ATRNL1: variants seen among roughly 807,000 people sequenced by gnomAD.
ATRNL1 encodes the protein attractin-like protein 1.
Under a neutral mutation model 182.7 loss-of-function variants are expected in ATRNL1, and 95 were observed. The observed-to-expected ratio is 0.52, with a 90% CI of 0.44 to 0.62. The LOEUF is 0.62. Among genes scored for constraint, ATRNL1 ranks in the 20% least tolerant of loss-of-function variants. The pLI, the probability that ATRNL1 is intolerant of heterozygous loss-of-function variation, is 0.00. For missense variants in ATRNL1, 1,471 were observed against 1,679.5 expected, an observed-to-expected ratio of 0.88 and a Z score of 2.17; for synonymous variants, 576 against 568.3, an observed-to-expected ratio of 1.01 and a Z score of -0.19.
At chr10:115,911,797 A>C (rs1199776221) in intron 28 of ATRNL1, among the ~76,000 whole-genome samples, 1 of 152,108 alleles carries the variant, frequency 6.6e-6, no homozygotes, top group East Asian at 1.9e-4. Flanking sequence ...GGAAGAGCAC[A>C]AGGGAGATGC....
rs553919095 is a variant in ATRNL1, at chr10:115,377,861, C to A, written c.3176-16798C>A. The stretch of plus-strand genomic sequence containing the variant: ...ACTGGGGCTCTAGCAAGTATGAATT[C>A]TCTCCATTTCCTAGGTGGACTGCAC... On this transcript the variant is annotated intron_variant, in intron 19 of 28. Coordinates refer to ENST00000355044, the MANE Select transcript of ATRNL1 (RefSeq NM_207303.4). Among the ~76,000 whole-genome samples, 166 of 152,264 alleles carry A rather than the reference C, an allele frequency of 1.1e-3. No homozygotes were observed. The South Asian group carries it at 0.022, about 20-fold the overall frequency.
chr10:115,315,373 T>G (rs928209832), intron 17 of ATRNL1, 145 bp from the exon 18 acceptor site: 5 of 572,462 alleles, frequency 8.7e-6, no homozygotes, highest in African/African-American at 1.9e-5. Context: ...TTGCTGTCTC[T>G]TAAGTATTAT....
intron 26 of ATRNL1, among the ~76,000 whole-genome samples, chr10:115,613,183 G>T (rs1371967088): frequency 6.6e-6 from 1 of 152,220 alleles, no homozygotes; most frequent in African/African-American, 2.4e-5. Flanking sequence ...TAACAAAACC[G>T]GACCAGTATT....
At chr10:115,940,288 G>C (rs138226717) in intron 28 of ATRNL1, among the ~76,000 whole-genome samples, 2 of 152,306 alleles carry the variant, frequency 1.3e-5, no homozygotes, top group African/African-American at 4.8e-5. Flanking sequence ...AATTAGGGAA[G>C]CTGTTTATTA....
At chr10:115,912,937 T>A (rs1236989295) in intron 28 of ATRNL1, among the ~76,000 whole-genome samples, 2 of 152,160 alleles carry the variant, frequency 1.3e-5, no homozygotes, top group East Asian at 1.9e-4. Flanking sequence ...CATGGCAAAG[T>A]TGCTAGACTG....
chr10:115,859,545 A>C (rs782083305), intron 28 of ATRNL1, among the ~76,000 whole-genome samples: 4 of 152,192 alleles, frequency 2.6e-5, no homozygotes, highest in Non-Finnish European at 4.4e-5. Context: ...GACTTGAGAA[A>C]ATATGTAAAG....
At chr10:115,495,231 T>C (rs2133607800) in intron 24 of ATRNL1, among the ~76,000 whole-genome samples, 1 of 152,286 alleles carries the variant, frequency 6.6e-6, no homozygotes, top group Admixed American at 6.6e-5. Context: ...TTTAGTAGTA[T>C]AGCTAGTGGT....
chr10:115,186,859 A>C (rs571985791), intron 8 of ATRNL1, among the ~76,000 whole-genome samples: 67 of 152,286 alleles, frequency 4.4e-4, no homozygotes, highest in Admixed American at 8.5e-4. Flanking sequence ...CAAAGAAATG[A>C]ATAGATGTTT....
intron 26 of ATRNL1, among the ~76,000 whole-genome samples, chr10:115,585,336 A>T (rs199902614): frequency 3.0e-5 from 3 of 99,942 alleles, no homozygotes; most frequent in Non-Finnish European, 6.7e-5. Flanking sequence ...TCTTTCTAAT[A>T]TTGACAGTGG....
chr10:115,637,717 C>T (rs1191762248), intron 26 of ATRNL1, among the ~76,000 whole-genome samples: 2 of 151,236 alleles, frequency 1.3e-5, no homozygotes, highest in Non-Finnish European at 2.9e-5. Context: ...CTCCGCCTCC[C>T]GAGTTCAAGC....
chr10:115,285,909 T>G (rs1852588937), intron 14 of ATRNL1, among the ~76,000 whole-genome samples: 1 of 152,038 alleles, frequency 6.6e-6, no homozygotes, highest in South Asian at 2.1e-4. Context: ...AATATAGTAG[T>G]GATTTTACTT....
chr10:115,620,961 C>T (rs1857702049), intron 26 of ATRNL1, among the ~76,000 whole-genome samples: 1 of 151,950 alleles, frequency 6.6e-6, no homozygotes, highest in African/African-American at 2.4e-5. Flanking sequence ...TACTCCATTT[C>T]CCCTTTTTTT....
chr10:115,633,215 G>T (rs1473200292), intron 26 of ATRNL1, among the ~76,000 whole-genome samples: 1 of 152,190 alleles, frequency 6.6e-6, no homozygotes, highest in Middle Eastern at 3.4e-3. Context: ...CTGGCCTAAA[G>T]TTAATATTTT....
intron 5 of ATRNL1, among the ~76,000 whole-genome samples, chr10:115,137,852 T>C (rs1845584936): frequency 2.0e-5 from 3 of 152,152 alleles, no homozygotes; most frequent in Non-Finnish European, 4.4e-5. Context: ...AAGTCATAAC[T>C]CATTTCAGCA....
At chr10:115,901,747 A>G (rs1235870527) in intron 28 of ATRNL1, among the ~76,000 whole-genome samples, 16 of 148,736 alleles carry the variant, frequency 1.1e-4, no homozygotes, top group African/African-American at 3.6e-4. Flanking sequence ...TGAGAAGAAA[A>G]AAAAAAAAAA....
At chr10:115,851,009 T>C (rs1262406921) in intron 28 of ATRNL1, among the ~76,000 whole-genome samples, 6 of 152,214 alleles carry the variant, frequency 3.9e-5, no homozygotes, top group African/African-American at 1.4e-4. Flanking sequence ...TGTTCAGTTA[T>C]TAAATTAGCG....
Position 115,115,901 on chromosome 10 carries a change from C to T in ATRNL1, c.294-4284C>T, listed in dbSNP as rs117517735. Among the ~76,000 whole-genome samples, 22 of 152,160 alleles carry T rather than the reference C, an allele frequency of 1.4e-4. No homozygotes were observed. In the East Asian group the frequency reaches 3.9e-3, roughly 27 times the overall value. ...TTGTCTAATATTTGTGCTGGTTTTC[C>T]TGCATTTATTAGTGGCCAACCTTGT... is the stretch of plus-strand genomic sequence containing the variant. On this transcript the variant is annotated intron_variant, in intron 1 of 28. Transcript: ENST00000355044.
Position 115,153,925 on chromosome 10 carries a change from G to T in ATRNL1, c.830-6115G>T, listed in dbSNP as rs12269068. Among the ~76,000 whole-genome samples the T allele has an allele frequency of 7.6e-3, 1,159 of 151,652 alleles. 17 individuals are homozygous for T. Among genetic ancestry groups the T allele is most frequent in the African/African-American group, 0.027 (1,116 of 41,282 alleles). ...GAGATTGTGTGTCTTTGTTCTCATT[G>T]GTTTCAAGAACATCTTTATTTCTGC... On this transcript the variant is annotated intron_variant, in intron 5 of 28. Coordinates refer to ENST00000355044, the MANE Select transcript of ATRNL1 (RefSeq NM_207303.4).
intron 24 of ATRNL1, among the ~76,000 whole-genome samples, chr10:115,475,250 A>G (rs530549202): frequency 2.0e-5 from 3 of 151,482 alleles, no homozygotes; most frequent in African/African-American, 4.8e-5. Context: ...ATTAGTTAAT[A>G]TCATAGTGAA....
Sources: gnomAD v4.1 joint callset for allele counts (sites outside exome capture counted in the v4.1 genomes callset) on GRCh38, gnomAD v4.1.1 for gene constraint, MANE v1.5 for transcripts, NCBI Gene and HGNC (gene_info 2026-07-23, HGNC 2026-07-21) for gene names.